GNAZ: variants seen among roughly 807,000 people sequenced by gnomAD.
GNAZ encodes G protein subunit alpha z.
A neutral mutation model predicts 25.4 loss-of-function variants in GNAZ; 3 were observed. That is an observed-to-expected ratio of 0.12 (90% CI 0.05 to 0.30). GNAZ has a LOEUF of 0.30. Ranked by LOEUF, GNAZ falls within the 10% of genes least tolerant of loss-of-function variation. The pLI, the probability that GNAZ is intolerant of heterozygous loss-of-function variation, is 1.00. For synonymous variants in GNAZ, 211 were observed against 205.7 expected (o/e 1.03, Z -0.22); for missense variants, 241 against 501.8 (o/e 0.48, Z 4.97).
At position 23,094,854 on chromosome 22, in the gene GNAZ, C is replaced by T. The variant is rs138381134; in HGVS notation, c.-449-393C>T. Among the ~76,000 whole-genome samples, 637 of 152,364 alleles carry T rather than the reference C, an allele frequency of 4.2e-3. 4 individuals are homozygous for T. Among genetic ancestry groups the T allele is most frequent in the African/African-American group, 0.015 (608 of 41,582 alleles). On this transcript the variant is annotated intron_variant, in intron 1 of 2. Transcript: ENST00000615612. ...AGGGCTGGGCCGAGGCCTGGCCACC[C>T]GTGTAAAACAGGGCAAGGCTGAGCT...
Position 23,082,251 on chromosome 22 carries a change from C to T in GNAZ, c.-450+11681C>T, listed in dbSNP as rs183963365. ...TTGTTTATTTGTTTTGAGTCTCGCC[C>T]TGTTGACCAGGCTGGAGTGTAATGG... On this transcript the variant is annotated intron_variant, in intron 1 of 2. Coordinates refer to ENST00000615612, the MANE Select transcript of GNAZ (RefSeq NM_002073.4). Among the ~76,000 whole-genome samples the T allele has an allele frequency of 4.4e-3, 668 of 151,478 alleles. 2 individuals carry two copies. Among genetic ancestry groups the T allele is most frequent in the African/African-American group, 0.015 (638 of 41,360 alleles).
At chr22:23,081,934 G>A (rs1165054016) in intron 1 of GNAZ, among the ~76,000 whole-genome samples, 1 of 151,396 alleles carries the variant, frequency 6.6e-6, no homozygotes, top group East Asian at 2.0e-4. Context: ...GACCATCCTG[G>A]CTAACACAGT....
At chr22:23,091,457 CAT>C (rs2068972836) in intron 1 of GNAZ, among the ~76,000 whole-genome samples, 1 of 150,400 alleles carries the variant, frequency 6.6e-6, no homozygotes, top group African/African-American at 2.5e-5. Flanking sequence ...GGGTCCTATG[CAT>C]ACACACACAC....
At chr22:23,074,261 GC>G (rs1414790824) in intron 1 of GNAZ, among the ~76,000 whole-genome samples, 1 of 152,194 alleles carries the variant, frequency 6.6e-6, no homozygotes. Flanking sequence ...AAGGCTGGGG[GC>G]CATGAGGGGC....
At chr22:23,099,616 T>G (rs886852210) in intron 2 of GNAZ, among the ~76,000 whole-genome samples, 2 of 152,196 alleles carry the variant, frequency 1.3e-5, no homozygotes, top group Non-Finnish European at 2.9e-5. Flanking sequence ...AGCCCTCAAG[T>G]CCACAAGGAC....
intron 1 of GNAZ, among the ~76,000 whole-genome samples, chr22:23,085,062 G>A (rs2068781972): frequency 6.6e-6 from 1 of 152,162 alleles, no homozygotes; most frequent in African/African-American, 2.4e-5. Flanking sequence ...TGAGTTTTCT[G>A]GAGGCAGCTC....
intron 1 of GNAZ, among the ~76,000 whole-genome samples, chr22:23,091,568 G>A (rs985757041): frequency 6.9e-6 from 1 of 144,872 alleles, no homozygotes; most frequent in Admixed American, 7.0e-5. Flanking sequence ...ACATGCACAC[G>A]CACCGCAGTG....
chr22:23,073,637 A>G (rs1674750012), intron 1 of GNAZ, among the ~76,000 whole-genome samples: 2 of 152,256 alleles, frequency 1.3e-5, no homozygotes, highest in African/African-American at 4.8e-5. Context: ...GGCGCTTCAC[A>G]GGATTGAACC....
chr22:23,120,339 A>G (rs2069979088), intron 2 of GNAZ, among the ~76,000 whole-genome samples: 1 of 152,116 alleles, frequency 6.6e-6, no homozygotes, highest in Non-Finnish European at 1.5e-5. Context: ...GGACAAGAAG[A>G]GTGGCTGCCT....
intron 2 of GNAZ, among the ~76,000 whole-genome samples, chr22:23,121,256 G>C (rs1223430643): frequency 6.6e-6 from 1 of 152,262 alleles, no homozygotes; most frequent in Non-Finnish European, 1.5e-5. Flanking sequence ...GAAAGAGCAA[G>C]ATTGGTTTGG....
intron 2 of GNAZ, among the ~76,000 whole-genome samples, chr22:23,111,013 G>A (rs564464467): frequency 6.6e-6 from 1 of 152,322 alleles, no homozygotes; most frequent in South Asian, 2.1e-4. Flanking sequence ...CTGCCTCAGA[G>A]CCACTTCGAA....
intron 1 of GNAZ, among the ~76,000 whole-genome samples, chr22:23,079,167 T>C (rs1375292934): frequency 2.0e-5 from 3 of 152,204 alleles, no homozygotes; most frequent in African/African-American, 7.2e-5. Context: ...ATAAACACTC[T>C]AAGTAAATTA....
rs770409901 is a variant in GNAZ, at chr22:23,095,412, G to A, written c.-284G>A. On this transcript the variant is annotated 5_prime_UTR_variant, in exon 2 of 3. Coordinates refer to ENST00000615612, the MANE Select transcript of GNAZ (RefSeq NM_002073.4). ...AAGCGGACGGCTTCCCACCGTCGCC[G>A]AGGACAGGGAATGACTACGGCAAAT... 42 of 418,890 alleles carry A rather than the reference G, an allele frequency of 1.0e-4. No homozygotes were observed. The highest frequency in any genetic ancestry group is 4.2e-4 in the Admixed American group (10 of 24,070). 25.9% of individuals were successfully genotyped at this position (418,890 alleles called of 1,614,324 possible).
chr22:23,106,081 T>C (rs996197459), intron 2 of GNAZ, among the ~76,000 whole-genome samples: 1 of 152,214 alleles, frequency 6.6e-6, no homozygotes, highest in Non-Finnish European at 1.5e-5. Flanking sequence ...TTGAGCATTG[T>C]TAAGGCACCA....
At chr22:23,078,695 C>G (rs2068580253) in intron 1 of GNAZ, among the ~76,000 whole-genome samples, 1 of 152,222 alleles carries the variant, frequency 6.6e-6, no homozygotes, top group Non-Finnish European at 1.5e-5. Flanking sequence ...GGGGGATTAT[C>G]CCCATCACTG....
intron 1 of GNAZ, among the ~76,000 whole-genome samples, chr22:23,089,658 G>T (rs2068909931): frequency 6.6e-6 from 1 of 152,204 alleles, no homozygotes; most frequent in African/African-American, 2.4e-5. Context: ...AGGGTGATGA[G>T]GGCAGGCCGG....
intron 2 of GNAZ, among the ~76,000 whole-genome samples, chr22:23,101,005 G>A (rs1000029772): frequency 1.3e-5 from 2 of 152,204 alleles, no homozygotes; most frequent in South Asian, 2.1e-4. Context: ...ATAAAATGGC[G>A]TGTTGTGGGT....
intron 2 of GNAZ, among the ~76,000 whole-genome samples, chr22:23,110,112 G>C (rs573149603): frequency 2.6e-4 from 39 of 152,344 alleles, no homozygotes; most frequent in African/African-American, 7.9e-4. Flanking sequence ...CCTGAGGCTA[G>C]TAGCAGTGGG....
chr22:23,078,167 C>T (rs1419363886), intron 1 of GNAZ, among the ~76,000 whole-genome samples: 1 of 152,256 alleles, frequency 6.6e-6, no homozygotes. Context: ...CCCTCACCCG[C>T]TCAGTTACCT....
Sources: allele counts gnomAD v4.1 joint callset (sites outside exome capture counted in the v4.1 genomes callset), GRCh38; gene constraint gnomAD v4.1.1; transcripts MANE v1.5; gene names NCBI Gene and HGNC (gene_info 2026-07-23, HGNC 2026-07-21).